FUBP1: variants seen among roughly 807,000 people sequenced by gnomAD.
FUBP1 encodes the protein far upstream element-binding protein 1.
Under a neutral mutation model 94.9 loss-of-function variants are expected in FUBP1, and 16 were observed. The observed-to-expected ratio is 0.17, with a 90% CI of 0.11 to 0.26. The LOEUF is 0.26. Among genes scored for constraint, FUBP1 ranks in the 10% least tolerant of loss-of-function variants. FUBP1 has a pLI of 1.00. For missense variants in FUBP1, 583 were observed against 808.6 expected (o/e 0.72, Z 3.38); for synonymous variants, 279 against 254.9 (o/e 1.09, Z -0.90).
Position 77,962,710 on chromosome 1 carries a change from CTTAAT to C in FUBP1, c.1344+55_1344+59del, listed in dbSNP as rs779716848. On this transcript the variant is annotated intron_variant, in intron 14 of 19. Coordinates refer to ENST00000370768, the MANE Select transcript of FUBP1 (RefSeq NM_003902.5). ...TCCTTTGATGTATTTGAATAAACGT[CTTAAT>C]TTAACTACAGTCTAAGGGTCTACAC... is the stretch of plus-strand genomic sequence containing the variant. 1,467 of 1,069,070 alleles carry C rather than the reference CTTAAT, an allele frequency of 1.4e-3. 2 individuals are homozygous for C. Among genetic ancestry groups the C allele is most frequent in the Non-Finnish European group, 1.9e-3 (1,371 of 738,222 alleles). 66.2% of individuals were successfully genotyped at this position (1,069,070 alleles called of 1,614,324 possible). A position where few individuals can be genotyped will look rare whatever the true frequency, so the allele number is the denominator to read the frequency against.
rs533788542 is a variant in FUBP1 at position 77,949,011 on chromosome 1, C to G, written c.1926+144G>C. ...ATTATAAAAAACAAAAAAACCCAAACAATACACCGTAGTACTTCATTTAAA... is the reference window on the plus strand; with the variant it reads ...ATTATAAAAAACAAAAAAACCCAAAGAATACACCGTAGTACTTCATTTAAA... On this transcript the variant is annotated intron_variant, in intron 19 of 19. Transcript: ENST00000370768. 1,557 of 948,072 alleles carry G rather than the reference C, an allele frequency of 1.6e-3. 2 individuals carry two copies. The highest frequency in any genetic ancestry group is 2.3e-3 in the Non-Finnish European group (1,401 of 610,078). 58.7% of individuals were successfully genotyped at this position (948,072 alleles called of 1,614,324 possible). A position where few individuals can be genotyped will look rare whatever the true frequency, so the allele number is the denominator to read the frequency against.
intron 1 of FUBP1, among the ~76,000 whole-genome samples, chr1:77,971,407 T>C (rs957248535): frequency 2.0e-5 from 3 of 152,238 alleles, no homozygotes; most frequent in African/African-American, 7.2e-5. Context: ...TTTATTATCA[T>C]CAGACAACTG....
At chr1:77,960,284 A>T (rs371627103) in intron 15 of FUBP1, 21 bp from the exon 16 acceptor site, 7 of 1,612,394 alleles carry the variant, frequency 4.3e-6, no homozygotes, top group Non-Finnish European at 5.9e-6. Context: ...AAATCAGCAT[A>T]AAAAACAGTC....
intron 18 of FUBP1, among the ~76,000 whole-genome samples, chr1:77,950,912 A>C (rs548737620): frequency 5.9e-5 from 9 of 152,286 alleles, no homozygotes; most frequent in East Asian, 1.9e-4. Flanking sequence ...CCTGAAAAAA[A>C]CCCTCTTTTC....
chr1:77,949,588 AAG>A (rs1056195447), intron 18 of FUBP1, among the ~76,000 whole-genome samples: 2 of 152,142 alleles, frequency 1.3e-5, no homozygotes, highest in Non-Finnish European at 2.9e-5. Context: ...GAAAAAAAAA[AAG>A]AACGCTCTTT....
At chr1:77,956,021 CCTGA>C (rs1294835624) in intron 17 of FUBP1, among the ~76,000 whole-genome samples, 2 of 152,026 alleles carry the variant, frequency 1.3e-5, no homozygotes, top group Non-Finnish European at 2.9e-5. Flanking sequence ...GAATATACTC[CCTGA>C]CTGGCCAAAT....
intron 6 of FUBP1, 22 bp from the exon 7 acceptor site, chr1:77,966,773 T>C (rs1211124848): frequency 6.7e-7 from 1 of 1,486,642 alleles, no homozygotes; most frequent in Non-Finnish European, 9.4e-7. Context: ...AACAAACAGA[T>C]AACTTCAGGT....
chr1:77,952,783 A>G (rs1187511184), intron 18 of FUBP1, among the ~76,000 whole-genome samples: 1 of 152,238 alleles, frequency 6.6e-6, no homozygotes, highest in Non-Finnish European at 1.5e-5. Context: ...TTGACTCCGT[A>G]TGATGATGAC....
chr1:77,954,059 C>G lies in FUBP1; in HGVS notation c.1780+1196G>C, dbSNP rs144351433. On this transcript the variant is annotated intron_variant, in intron 18 of 19. Transcript: ENST00000370768. The stretch of plus-strand genomic sequence containing the variant: ...AAGGCTGGCCTCAATCTCCTGTGTT[C>G]AAGGAATCCTTCCACCTTAGCCTCC... Among the ~76,000 whole-genome samples the G allele has an allele frequency of 2.4e-3, 364 of 152,288 alleles. 3 individuals are homozygous for G. Among genetic ancestry groups the G allele is most frequent in the African/African-American group, 8.5e-3 (353 of 41,548 alleles).
chr1:77,967,317 T>C (rs1041288566), intron 4 of FUBP1, among the ~76,000 whole-genome samples: 1 of 152,202 alleles, frequency 6.6e-6, no homozygotes, highest in African/African-American at 2.4e-5. Flanking sequence ...GGATGATGAA[T>C]GGAACAGTCT....
At position 77,965,090 on chromosome 1, in the gene FUBP1, T is replaced by G; in HGVS notation, c.615A>C (p.Gly205=). The G allele has an allele frequency of 6.2e-7, 1 of 1,611,402 alleles. No individual in the cohort carries two copies. Among genetic ancestry groups the G allele is most frequent in the Non-Finnish European group, 8.5e-7 (1 of 1,177,718 alleles). The change falls in exon 8 of 20, where the codon GGA becomes GGC. Residue 205 remains glycine, a synonymous_variant. Coordinates refer to ENST00000370768, the MANE Select transcript of FUBP1 (RefSeq NM_003902.5). Reference sequence around the variant, plus strand: ...ATACCTGAAGCTGTTTAATAGTTTCTCCCCCTTTTCCAATGACTAATCCTG... The same window carrying G: ...ATACCTGAAGCTGTTTAATAGTTTCGCCCCCTTTTCCAATGACTAATCCTG... ...SKAGLVIGKG[G]ETIKQLQERA...
rs934574256 is a variant in FUBP1 at position 77,947,178 on chromosome 1, G to T, written c.*1588C>A. 2.4e-5 allele frequency: 5 copies of T among 210,316 alleles called. No homozygotes were observed. Among genetic ancestry groups the T allele is most frequent in the Non-Finnish European group, 4.8e-5 (5 of 103,454 alleles). The allele number at this position is 210,316 out of a possible 1,614,324, so 13.0% of individuals were successfully genotyped here. A position where few individuals can be genotyped will look rare whatever the true frequency, so the allele number is the denominator to read the frequency against. On this transcript the variant is annotated 3_prime_UTR_variant, in exon 20 of 20. Transcript: ENST00000370768. ...TACACTGAAAAACAATATTTTAGGA[G>T]CACCAGTGAATAATACTATTCAACT...
At chr1:77,979,232 T>G (rs1195269596), upstream of FUBP1, 1 of 530,196 alleles carries the variant, frequency 1.9e-6, no homozygotes, top group African/African-American at 1.9e-5. Context: ...TCGCGAGGAT[T>G]AAGTTTAAGA....
At chr1:77,958,462 A>G (rs1654877288) in intron 16 of FUBP1, among the ~76,000 whole-genome samples, 1 of 152,218 alleles carries the variant, frequency 6.6e-6, no homozygotes, top group Non-Finnish European at 1.5e-5. Context: ...TTTTTTAAAG[A>G]AACATTTTAG....
At chr1:77,978,689 G>A (rs1557490086) in intron 1 of FUBP1, among the ~76,000 whole-genome samples, 196 bp downstream of exon 1, 1 of 152,174 alleles carries the variant, frequency 6.6e-6, no homozygotes, top group Non-Finnish European at 1.5e-5. Context: ...GGTTCTAAGT[G>A]GATTAGGCAC....
intron 14 of FUBP1, 67 bp downstream of exon 14, chr1:77,962,703 T>C: frequency 4.1e-6 from 4 of 980,176 alleles, no homozygotes; most frequent in Non-Finnish European, 6.1e-6. Flanking sequence ...TGTATTTGAA[T>C]AAACGTCTTA....
rs552743719 is a variant in FUBP1, at chr1:77,973,213, A to G, written c.121-3198T>C. Among the ~76,000 whole-genome samples the G allele has an allele frequency of 2.1e-3, 317 of 152,160 alleles. 3 individuals carry two copies. The highest frequency in any genetic ancestry group is 2.2e-3 in the Non-Finnish European group (148 of 67,986). ...TCAACATATTCAATTTTTATTAGAC[A>G]TTTATGAGGTGTGGGAAACTTTTTA... On this transcript the variant is annotated intron_variant, in intron 1 of 19. Transcript: ENST00000370768.
At chr1:77,969,376 A>G (rs1657092896) in intron 2 of FUBP1, among the ~76,000 whole-genome samples, 2 of 152,134 alleles carry the variant, frequency 1.3e-5, no homozygotes, top group Admixed American at 6.5e-5. Context: ...TTAAAAATAC[A>G]TAGCACTGTA....
At chr1:77,978,201 G>T (rs1032184082) in intron 1 of FUBP1, among the ~76,000 whole-genome samples, 2 of 152,206 alleles carry the variant, frequency 1.3e-5, no homozygotes, top group African/African-American at 4.8e-5. Flanking sequence ...TGCCTTCAGG[G>T]CAAATGCACG....
Sources: gnomAD v4.1 joint callset for allele counts (sites outside exome capture counted in the v4.1 genomes callset) on GRCh38, gnomAD v4.1.1 for gene constraint, MANE v1.5 for transcripts, NCBI Gene and HGNC (gene_info 2026-07-23, HGNC 2026-07-21) for gene names.